RAB38: variants seen among roughly 807,000 people sequenced by gnomAD.
The protein encoded by RAB38 is ras-related protein Rab-38.
In RAB38, 15 loss-of-function variants were observed where a neutral mutation model predicts 18.4. The observed-to-expected ratio is 0.82, with a 90% CI of 0.55 to 1.26. The LOEUF is 1.26. Ranked by LOEUF, RAB38 falls within the 50% of genes most tolerant of loss-of-function variation. RAB38 has a pLI of 0.00. For missense variants in RAB38, 294 were observed against 267.4 expected, an observed-to-expected ratio of 1.10 and a Z score of -0.69; for synonymous variants, 101 against 104.4, an observed-to-expected ratio of 0.97 and a Z score of 0.20.
chr11:88,156,646 G>GAGCCA (rs1258024737), intron 1 of RAB38, among the ~76,000 whole-genome samples: 2 of 152,138 alleles, frequency 1.3e-5, no homozygotes, highest in Non-Finnish European at 2.9e-5. Flanking sequence ...AGGTTGCAGT[G>GAGCCA]AGCCAAGATC....
chr11:87,929,563 G>T, the RAB38 span, among the ~76,000 whole-genome samples: 40 of 145,050 alleles, frequency 2.8e-4, no homozygotes, highest in African/African-American at 6.1e-4. Context: ...CTTTTTTTTG[G>T]TTTTTTTTTT....
At chr11:87,825,488 C>T in the RAB38 span, among the ~76,000 whole-genome samples, 1 of 152,036 alleles carries the variant, frequency 6.6e-6, no homozygotes, top group East Asian at 1.9e-4. Flanking sequence ...CACACATAGC[C>T]CTGGTGTCTG....
the RAB38 span, among the ~76,000 whole-genome samples, chr11:88,037,509 A>G: frequency 6.6e-6 from 1 of 152,098 alleles, no homozygotes; most frequent in Non-Finnish European, 1.5e-5. Flanking sequence ...CACTTTTATA[A>G]ACACATCATA....
At chr11:87,881,731 G>A in the RAB38 span, among the ~76,000 whole-genome samples, 4 of 151,142 alleles carry the variant, frequency 2.6e-5, no homozygotes, top group East Asian at 2.0e-4. Context: ...TTTTCCTCAG[G>A]TTTCCCTCAC....
chr11:88,135,593 C>G (rs1016507067), intron 2 of RAB38, among the ~76,000 whole-genome samples: 1 of 152,176 alleles, frequency 6.6e-6, no homozygotes, highest in Non-Finnish European at 1.5e-5. Flanking sequence ...AATGCTAGAT[C>G]TCTTTCAACT....
At chr11:87,967,367 A>C in the RAB38 span, among the ~76,000 whole-genome samples, 1 of 152,202 alleles carries the variant, frequency 6.6e-6, no homozygotes, top group Admixed American at 6.6e-5. Context: ...TGTGGTTTGG[A>C]CCAACTTCAG....
chr11:87,901,386 C>A, the RAB38 span, among the ~76,000 whole-genome samples: 130 of 151,696 alleles, frequency 8.6e-4, no homozygotes, highest in African/African-American at 3.0e-3. Context: ...ACAGGACTCT[C>A]ATTTTCTTTT....
chr11:88,006,074 A>C, the RAB38 span, among the ~76,000 whole-genome samples: 1 of 151,616 alleles, frequency 6.6e-6, no homozygotes, highest in African/African-American at 2.4e-5. Context: ...TAAAAAACTC[A>C]AACAGCTCAA....
the RAB38 span, among the ~76,000 whole-genome samples, chr11:87,975,401 T>C: frequency 1.3e-5 from 2 of 151,900 alleles, no homozygotes; most frequent in Admixed American, 6.6e-5. Context: ...GAAGCTGAAA[T>C]AATTCTTTGC....
the RAB38 span, among the ~76,000 whole-genome samples, chr11:88,026,845 A>C: frequency 2.0e-5 from 3 of 152,180 alleles, no homozygotes; most frequent in Non-Finnish European, 4.4e-5. Flanking sequence ...GGAGAATAGG[A>C]TATTCAGGTG....
the RAB38 span, among the ~76,000 whole-genome samples, chr11:87,920,540 T>G: frequency 2.6e-5 from 4 of 152,090 alleles, no homozygotes; most frequent in Non-Finnish European, 5.9e-5. Context: ...TTGTTAGGGC[T>G]TATTTTGTGG....
chr11:87,856,761 G>T, the RAB38 span, among the ~76,000 whole-genome samples: 1 of 151,940 alleles, frequency 6.6e-6, no homozygotes, highest in Non-Finnish European at 1.5e-5. Flanking sequence ...TACATGCGCA[G>T]AATGTGAACC....
chr11:88,044,813 C>T, the RAB38 span, among the ~76,000 whole-genome samples: 1 of 152,054 alleles, frequency 6.6e-6, no homozygotes, highest in African/African-American at 2.4e-5. Flanking sequence ...CTGACCTCTC[C>T]CCTCCTCCCC....
the RAB38 span, among the ~76,000 whole-genome samples, chr11:87,919,479 A>G: frequency 6.6e-6 from 1 of 151,870 alleles, no homozygotes; most frequent in Non-Finnish European, 1.5e-5. Context: ...TATCCTTTTA[A>G]TAAGCTGTTG....
chr11:87,958,950 T>C, the RAB38 span, among the ~76,000 whole-genome samples: 10 of 152,154 alleles, frequency 6.6e-5, no homozygotes, highest in Admixed American at 4.6e-4. Flanking sequence ...ATTGTAATCA[T>C]ATTTCACCAC....
intron 2 of RAB38, among the ~76,000 whole-genome samples, chr11:88,119,981 T>C (rs1413897659): frequency 6.6e-6 from 1 of 152,248 alleles, no homozygotes; most frequent in East Asian, 1.9e-4. Context: ...GCTAGCTTTC[T>C]ATTAATCATC....
the RAB38 span, among the ~76,000 whole-genome samples, chr11:87,845,250 T>A: frequency 2.0e-4 from 31 of 152,282 alleles, no homozygotes; most frequent in African/African-American, 7.5e-4. Context: ...AACACTAGGA[T>A]GACACAGATG....
rs748342210 is a variant in RAB38, at chr11:88,149,678, T to C, written c.480A>G (p.Ala160=). 1.2e-6 allele frequency: 2 copies of C among 1,607,728 alleles called. No homozygotes were observed. Among genetic ancestry groups the C allele is most frequent in the Non-Finnish European group, 1.7e-6 (2 of 1,175,074 alleles). ...TTATTATTTAAAGTCACATTACCTT[T>C]GCTGATGTTTCAAACCATCCTACGA... is the stretch of plus-strand genomic sequence containing the variant. The part of the protein sequence containing the change: ...HGFVGWFETS[A]KENINIDEAS... Residue 160 remains alanine (A), a synonymous_variant, in exon 2 of 3, where the codon GCA becomes GCG. Coordinates refer to ENST00000243662, the MANE Select transcript of RAB38 (RefSeq NM_022337.3).
At chr11:88,051,678 T>A in the RAB38 span, among the ~76,000 whole-genome samples, 2 of 152,194 alleles carry the variant, frequency 1.3e-5, no homozygotes. Flanking sequence ...GCACAGATGT[T>A]GAAATTATCT....
Sources: gnomAD v4.1 joint callset for allele counts (sites outside exome capture counted in the v4.1 genomes callset) on GRCh38, gnomAD v4.1.1 for gene constraint, MANE v1.5 for transcripts, NCBI Gene and HGNC (gene_info 2026-07-23, HGNC 2026-07-21) for gene names.